The following RYR1 variants were observed in gnomAD, a reference collection of about 807,000 sequenced individuals.
RYR1 encodes ryanodine receptor 1.
Under a neutral mutation model 583.5 loss-of-function variants are expected in RYR1, and 342 were observed. The ratio of observed to expected loss-of-function variants is 0.59; its 90% CI spans 0.54 to 0.64. The LOEUF (loss-of-function observed/expected upper bound fraction) is 0.64. RYR1 is among the 30% of genes least tolerant of loss of function. RYR1 has a pLI of 0.00. For synonymous variants in RYR1, 2,791 were observed against 2,822.5 expected, an observed-to-expected ratio of 0.99 and a Z score of 0.35; for missense variants, 6,032 against 6,917.2, an observed-to-expected ratio of 0.87 and a Z score of 4.54.
Position 38,505,891 on chromosome 19 carries a change from G to T in RYR1, c.8486G>T (p.Gly2829Val). 6.2e-7 allele frequency: 1 copy of T among 1,614,096 alleles called. No homozygotes were observed. The highest frequency in any genetic ancestry group is 1.3e-5 in the African/African-American group (1 of 75,020). Residue 2829 changes from glycine (G) to valine (V), a missense_variant, in exon 54 of 106, where the codon GGT becomes GTT. By Grantham distance (109) the Gly-to-Val change is moderately radical. This residue lies in a region of RYR1 where 1,493 missense variants were observed against 1,715.5 expected (regional missense o/e 0.87). Transcript: ENST00000359596. ...WEWTIEKARE[G>V]EEEKTEKKKT... ...TGGACGATAGAGAAGGCCAGGGAGG[G>T]TGAGGAGGAGAAGACGGAAAAGAAA... is the stretch of plus-strand genomic sequence containing the variant.
In RYR1 at chr19:38,444,061, G is replaced by A. The variant is rs1222054941; in HGVS notation, c.425-88G>A. The A allele has an allele frequency of 9.5e-6, 11 of 1,158,282 alleles. No homozygotes were observed. Among genetic ancestry groups the A allele is most frequent in the Admixed American group, 5.1e-5 (3 of 58,750 alleles). 71.8% of individuals were successfully genotyped at this position (1,158,282 alleles called of 1,614,324 possible). A position where few individuals can be genotyped will look rare whatever the true frequency, so the allele number is the denominator to read the frequency against. ...TAGGAGAGTTGTGGGCCAAGGGCCCGGGAGGCCTGGTGGAGGGAGAGCCCT... is the reference window on the plus strand; with the variant it reads ...TAGGAGAGTTGTGGGCCAAGGGCCCAGGAGGCCTGGTGGAGGGAGAGCCCT... On this transcript the variant is annotated intron_variant, in intron 5 of 105. Transcript: ENST00000359596. This position sits in a 1 kb window ranked among gnomAD's most constrained non-coding sequence, Gnocchi z 5.1.
intron 94 of RYR1, 45 bp downstream of exon 94, chr19:38,570,738 T>C: frequency 6.8e-7 from 1 of 1,472,234 alleles, no homozygotes; most frequent in Non-Finnish European, 9.5e-7. Context: ...TTTTCCATGC[T>C]GTGGGATGGG....
Position 38,496,798 on chromosome 19 carries a change from G to GT in RYR1, c.6797-62_6797-61insT. On this transcript the variant is annotated intron_variant, in intron 41 of 105. Transcript: ENST00000359596. The surrounding 1 kb of genome is among the most constrained non-coding windows in gnomAD (Gnocchi z 4.8). ...GCTGGAAAAAGGGTGGTCAGGGAGG[G>GT]CTTCCCAGAGGAGGCGAGACAAGCA... is the stretch of plus-strand genomic sequence containing the variant. The GT allele has an allele frequency of 6.7e-7, 1 of 1,501,476 alleles. No homozygotes were observed. The highest frequency in any genetic ancestry group is 9.3e-7 in the Non-Finnish European group (1 of 1,078,878). The allele number at this position is 1,501,476 out of a possible 1,614,324, so 93.0% of individuals were successfully genotyped here.
rs1316713022 is a variant in RYR1, at chr19:38,565,083, T to C, written c.12749T>C (p.Ile4250Thr). Reference protein sequence around the residue: ...TIFEMQIAAQISEPEGEPETD... With the variant: ...TIFEMQIAAQTSEPEGEPETD... The stretch of plus-strand genomic sequence containing the variant: ...TTCGAGATGCAGATCGCCGCGCAGA[T>C]CTCGGAGCCCGAGGGCGAGCCGGAG... Residue 4250 changes from isoleucine (I) to threonine (T), a missense_variant, in exon 91 of 106, where the codon ATC becomes ACC. Around this residue, in one of 11 missense-constraint regions of RYR1, gnomAD observed 753 missense variants for 759.6 expected, o/e 0.99. Transcript: ENST00000359596. This position sits in a 1 kb window ranked among gnomAD's most constrained non-coding sequence, Gnocchi z 4.7. 1.7e-5 allele frequency: 27 copies of C among 1,555,856 alleles called. No individual in the cohort carries two copies. Among genetic ancestry groups the C allele is most frequent in the Non-Finnish European group, 2.1e-5 (24 of 1,152,540 alleles).
intron 76 of RYR1, among the ~76,000 whole-genome samples, chr19:38,531,424 A>G (rs1463544818): frequency 6.6e-6 from 1 of 151,898 alleles, no homozygotes; most frequent in East Asian, 1.9e-4. Context: ...GTTAATATAT[A>G]CAAGGCACCT....
At chr19:38,556,181 T>A (rs952326849) in intron 89 of RYR1, among the ~76,000 whole-genome samples, 15 of 152,022 alleles carry the variant, frequency 9.9e-5, no homozygotes, top group African/African-American at 3.4e-4. Flanking sequence ...AATAGCCATG[T>A]TTTTTAAAAA....
chr19:38,505,293 T>C lies in RYR1; in HGVS notation c.8311-16T>C, dbSNP rs747977871. 2.4e-4 allele frequency: 375 copies of C among 1,582,176 alleles called. 1 individual carries two copies. The highest frequency in any genetic ancestry group is 1.7e-4 in the Non-Finnish European group (193 of 1,154,204). ...ACTGCTGCCTCCCCCTCACCCTGCC[T>C]CCCCTCCATCTCTAGATCCAGAACA... On this transcript the variant is annotated splice_polypyrimidine_tract_variant and intron_variant, in intron 52 of 105. Coordinates refer to ENST00000359596, the MANE Select transcript of RYR1 (RefSeq NM_000540.3).
intron 42 of RYR1, among the ~76,000 whole-genome samples, chr19:38,498,161 G>C (rs931449391): frequency 6.6e-6 from 1 of 152,182 alleles, no homozygotes; most frequent in Admixed American, 6.5e-5. Flanking sequence ...GCTGTGGCTG[G>C]AGCAGAGGTA....
At chr19:38,505,103 T>C (rs1261891149) in intron 52 of RYR1, 22 bp downstream of exon 52, 1 of 1,609,048 alleles carries the variant, frequency 6.2e-7, no homozygotes, top group Admixed American at 1.7e-5. Flanking sequence ...GGTCCTCCTA[T>C]CCAAGAAACC....
At chr19:38,528,775 G>A (rs1432173257) in intron 75 of RYR1, 80 bp downstream of exon 75, 2 of 1,499,820 alleles carry the variant, frequency 1.3e-6, no homozygotes, top group South Asian at 2.3e-5. Context: ...ACACCTCCAG[G>A]GGTCGGCCCT....
At position 38,496,183 on chromosome 19, in the gene RYR1, C is replaced by T. The variant is rs760714756; in HGVS notation, c.6549-32C>T. ...TATGGCCCTCTCCGGACCTGGGCCC[C>T]TGGTGACCCCGCACACTCTGCCCGT... On this transcript the variant is annotated intron_variant, in intron 39 of 105. Transcript: ENST00000359596. This position sits in a 1 kb window ranked among gnomAD's most constrained non-coding sequence, Gnocchi z 4.8. 5 of 1,595,358 alleles carry T rather than the reference C, an allele frequency of 3.1e-6. No individual in the cohort carries two copies. The highest frequency in any genetic ancestry group is 4.3e-6 in the Non-Finnish European group (5 of 1,165,230).
At chr19:38,524,972 G>A (rs574315045) in intron 70 of RYR1, among the ~76,000 whole-genome samples, 1 of 152,274 alleles carries the variant, frequency 6.6e-6, no homozygotes, top group Admixed American at 6.5e-5. Flanking sequence ...GGCAAGCATG[G>A]TGGTATGTGC....
Position 38,548,390 on chromosome 19 carries a change from T to C in RYR1, c.12252T>C (p.Arg4084=). Residue 4084 remains arginine, a synonymous_variant, in exon 89 of 106, where the codon CGT becomes CGC. Transcript: ENST00000359596. Reference sequence around the variant, plus strand: ...TCCAGGACTACGTAACGGATCCCCGTGGCCTCATCTCCAAGAAGGACTTCC... The same window carrying C: ...TCCAGGACTACGTAACGGATCCCCGCGGCCTCATCTCCAAGAAGGACTTCC... ...EAFQDYVTDP[R]GLISKKDFQK... 1 of 1,613,994 alleles carries C rather than the reference T, an allele frequency of 6.2e-7. No individual in the cohort carries two copies. Among genetic ancestry groups the C allele is most frequent in the Non-Finnish European group, 8.5e-7 (1 of 1,179,936 alleles).
chr19:38,467,951 C>T (rs1393787118), intron 25 of RYR1, 139 bp downstream of exon 25: 4 of 735,640 alleles, frequency 5.4e-6, no homozygotes, highest in Non-Finnish European at 9.2e-6. Flanking sequence ...CCCATCTATC[C>T]ATCCATTCAA....
In RYR1 at chr19:38,483,311, G is replaced by T; in HGVS notation, c.4729G>T (p.Ala1577Ser). 1 of 1,559,898 alleles carries T rather than the reference G, an allele frequency of 6.4e-7. No homozygotes were observed. The change falls in exon 33 of 106, where the codon GCC becomes TCC. Residue 1577 changes from alanine to serine, a missense_variant. Around this residue, in one of 11 missense-constraint regions of RYR1, gnomAD observed 2,627 missense variants for 2,961.3 expected, o/e 0.89. Coordinates refer to ENST00000359596, the MANE Select transcript of RYR1 (RefSeq NM_000540.3). The surrounding 1 kb of genome is among the most constrained non-coding windows in gnomAD (Gnocchi z 6.3). Reference protein sequence around the residue: ...KQKNIMPLSAAMFQSERKNPA... With the variant: ...KQKNIMPLSASMFQSERKNPA... The stretch of plus-strand genomic sequence containing the variant: ...TCAGAACATCATGCCGTTGTCAGCC[G>T]CCATGTTCCAAAGCGAGCGCAAGAA...
intron 49 of RYR1, 36 bp from the exon 50 acceptor site, chr19:38,504,184 C>G: frequency 6.3e-7 from 1 of 1,590,542 alleles, no homozygotes; most frequent in South Asian, 1.1e-5. Context: ...GCTGGTGCCC[C>G]CCTCATTTGT....
intron 84 of RYR1, among the ~76,000 whole-genome samples, chr19:38,540,021 A>G (rs1434373203): frequency 6.6e-5 from 10 of 152,218 alleles, no homozygotes; most frequent in African/African-American, 2.2e-4. Context: ...TGCTTTGTCT[A>G]TGTCATGAAA....
chr19:38,584,938 CTCAG>C lies in RYR1; in HGVS notation c.14647-3_14647del, dbSNP rs1568611362. 1.2e-6 allele frequency: 2 copies of C among 1,613,884 alleles called. No individual in the cohort carries two copies. Among genetic ancestry groups the C allele is most frequent in the Non-Finnish European group, 1.7e-6 (2 of 1,179,902 alleles). ...ATGAGTGACCAGTGTGCTCCCCTCC[CTCAG>C]TGTTACCTGTTTCACATGTACGTGG... On this transcript the variant is annotated splice_acceptor_variant and splice_polypyrimidine_tract_variant and intron_variant, in intron 101 of 105. Transcript: ENST00000359596. LOFTEE classifies it high-confidence loss of function.
Position 38,527,750 on chromosome 19 carries a change from A to C in RYR1, c.10790A>C (p.Gln3597Pro). 1.9e-6 allele frequency: 3 copies of C among 1,613,784 alleles called. No homozygotes were observed. Among genetic ancestry groups the C allele is most frequent in the Non-Finnish European group, 2.5e-6 (3 of 1,179,902 alleles). Residue 3597 changes from glutamine (Q) to proline (P), a missense_variant, in exon 73 of 106, where the codon CAG (glutamine) becomes CCG (proline). Physicochemically the swap from Gln to Pro is moderately conservative, Grantham distance 76. Around this residue, in one of 11 missense-constraint regions of RYR1, gnomAD observed 1,493 missense variants for 1,715.5 expected, o/e 0.87. Transcript: ENST00000359596. ...CCCGAGAAAATCGTGCGCAGAGTCC[A>C]GGAAGTGTCAGCCGTGCTCTACTAC... ...DDPEKIVRRV[Q>P]EVSAVLYYLD...
Sources: gnomAD v4.1 joint callset for allele counts (sites outside exome capture counted in the v4.1 genomes callset) on GRCh38, gnomAD v4.1.1 for gene constraint, gnomAD v4.1.1 regional missense constraint, Gnocchi (gnomAD v3.1) non-coding constraint, MANE v1.5 for transcripts, NCBI Gene and HGNC (gene_info 2026-07-23, HGNC 2026-07-21) for gene names.